KIAA1328: variants seen among roughly 807,000 people sequenced by gnomAD.
KIAA1328 encodes the protein KIAA1328.
KIAA1328 carries 52 observed loss-of-function variants against 68.1 expected under a neutral mutation model. The observed-to-expected ratio is 0.76, with a 90% CI of 0.61 to 0.96. The LOEUF is 0.96. KIAA1328 is among the 40% of genes least tolerant of loss of function. KIAA1328 has a pLI of 0.00. For missense variants in KIAA1328, 641 were observed against 677.6 expected, an observed-to-expected ratio of 0.95 and a Z score of 0.60; for synonymous variants, 232 against 239.4, an observed-to-expected ratio of 0.97 and a Z score of 0.28.
chr18:36,903,439 C>A (rs1171878280), intron 5 of KIAA1328, among the ~76,000 whole-genome samples: 1 of 152,030 alleles, frequency 6.6e-6, no homozygotes, highest in African/African-American at 2.4e-5. Flanking sequence ...ATGATTAGGT[C>A]TTTCCAGTGG....
At chr18:37,117,462 G>A (rs1026133227) in intron 7 of KIAA1328, among the ~76,000 whole-genome samples, 37 of 152,022 alleles carry the variant, frequency 2.4e-4, no homozygotes, top group African/African-American at 7.7e-4. Context: ...TGGACACAGC[G>A]GTAGCGAACA....
intron 7 of KIAA1328, among the ~76,000 whole-genome samples, chr18:37,070,106 T>A (rs1179499107): frequency 6.6e-6 from 1 of 152,166 alleles, no homozygotes; most frequent in Non-Finnish European, 1.5e-5. Flanking sequence ...AGTGTTATAT[T>A]TAGTTTCCAA....
intron 6 of KIAA1328, among the ~76,000 whole-genome samples, chr18:36,994,669 A>G (rs1332266304): frequency 6.6e-6 from 1 of 152,182 alleles, no homozygotes; most frequent in Non-Finnish European, 1.5e-5. Flanking sequence ...TGTAGTTTTT[A>G]TAGTCTAGAG....
intron 4 of KIAA1328, among the ~76,000 whole-genome samples, chr18:36,870,279 A>G (rs1197131500): frequency 6.6e-6 from 1 of 152,172 alleles, no homozygotes; most frequent in African/African-American, 2.4e-5. Context: ...AGTTTTTGTC[A>G]AGTAATACTG....
At chr18:37,033,601 A>T (rs566488384) in intron 6 of KIAA1328, among the ~76,000 whole-genome samples, 1 of 152,022 alleles carries the variant, frequency 6.6e-6, no homozygotes, top group African/African-American at 2.4e-5. Context: ...TTCATTTACA[A>T]CTCCCTGGTA....
At chr18:37,144,124 T>C (rs1353989767) in intron 7 of KIAA1328, among the ~76,000 whole-genome samples, 1 of 152,178 alleles carries the variant, frequency 6.6e-6, no homozygotes, top group Non-Finnish European at 1.5e-5. Flanking sequence ...TATTTTCTCT[T>C]TCTTCTTGAG....
intron 6 of KIAA1328, among the ~76,000 whole-genome samples, chr18:36,971,607 C>T (rs148495647): frequency 1.7e-4 from 26 of 152,044 alleles, no homozygotes; most frequent in South Asian, 6.2e-4. Context: ...CCACCCTGGA[C>T]GACAAGAGTA....
chr18:37,158,656 A>G (rs1293145330), intron 7 of KIAA1328, among the ~76,000 whole-genome samples: 1 of 152,214 alleles, frequency 6.6e-6, no homozygotes, highest in African/African-American at 2.4e-5. Flanking sequence ...TCATATAGTC[A>G]TCTTTATTTT....
chr18:37,082,166 ATTTTTT>A (rs34106395), intron 7 of KIAA1328, among the ~76,000 whole-genome samples: 6 of 100,428 alleles, frequency 6.0e-5, no homozygotes, highest in African/African-American at 8.4e-5. Flanking sequence ...TGCCCCAAGG[ATTTTTT>A]TTTTTTTTTT....
chr18:36,975,404 G>A (rs571006777), intron 6 of KIAA1328, among the ~76,000 whole-genome samples: 5 of 151,876 alleles, frequency 3.3e-5, no homozygotes, highest in Non-Finnish European at 7.4e-5. Context: ...GGATGGTCTC[G>A]ATCTCCTGAC....
intron 5 of KIAA1328, among the ~76,000 whole-genome samples, chr18:36,889,589 C>A (rs11665058): frequency 0.14 from 20,717 of 152,140 alleles, 1,757 homozygotes; most frequent in Admixed American, 0.18. Flanking sequence ...TATCTGATCC[C>A]TTGGGAAAGT....
At chr18:36,927,938 G>A (rs1042119650) in intron 5 of KIAA1328, among the ~76,000 whole-genome samples, 1 of 152,112 alleles carries the variant, frequency 6.6e-6, no homozygotes, top group South Asian at 2.1e-4. Flanking sequence ...CCGGATGGGA[G>A]TGCCCTCGTA....
In KIAA1328 at chr18:36,989,504, A is replaced by G. The variant is rs927088413; in HGVS notation, c.576+30069A>G. Among the ~76,000 whole-genome samples the G allele has an allele frequency of 2.0e-5, 3 of 152,126 alleles. No individual in the cohort carries two copies. In the East Asian group the frequency reaches 5.8e-4, roughly 29 times the overall value. On this transcript the variant is annotated intron_variant, in intron 6 of 9. Transcript: ENST00000280020. Reference sequence around the variant, plus strand: ...ACAGAAGCTCCGATTCTAATTTTTTAAAAAAATTCTTCTGCTTTTATTCCC... The same window carrying G: ...ACAGAAGCTCCGATTCTAATTTTTTGAAAAAATTCTTCTGCTTTTATTCCC...
At chr18:37,080,892 A>T (rs1488087943) in intron 7 of KIAA1328, among the ~76,000 whole-genome samples, 2 of 152,056 alleles carry the variant, frequency 1.3e-5, no homozygotes, top group Non-Finnish European at 2.9e-5. Context: ...TCCTAAAACA[A>T]AGTTCTTTCC....
intron 7 of KIAA1328, among the ~76,000 whole-genome samples, chr18:37,098,095 A>G (rs1161304013): frequency 6.6e-6 from 1 of 152,144 alleles, no homozygotes; most frequent in South Asian, 2.1e-4. Context: ...CTCTGGCCAG[A>G]ACTTCCAATA....
intron 6 of KIAA1328, among the ~76,000 whole-genome samples, chr18:37,034,041 G>A (rs1238141999): frequency 6.6e-6 from 1 of 152,080 alleles, no homozygotes; most frequent in Non-Finnish European, 1.5e-5. Context: ...TGTGTTCCTT[G>A]TTACTCCAAA....
At chr18:37,226,502 C>T (rs1292745357), downstream of KIAA1328, among the ~76,000 whole-genome samples, 1 of 152,116 alleles carries the variant, frequency 6.6e-6, no homozygotes, top group Non-Finnish European at 1.5e-5. Context: ...GACTTGCTGT[C>T]TCTATACAAT....
chr18:37,129,514 G>A (rs1340040228), intron 7 of KIAA1328, among the ~76,000 whole-genome samples: 2 of 152,154 alleles, frequency 1.3e-5, no homozygotes, highest in East Asian at 1.9e-4. Context: ...AAACAAAAGT[G>A]TACAGGTATG....
intron 7 of KIAA1328, among the ~76,000 whole-genome samples, chr18:37,158,226 A>G (rs1273397754): frequency 6.6e-6 from 1 of 151,906 alleles, no homozygotes; most frequent in Non-Finnish European, 1.5e-5. Context: ...TTCTTTAGTG[A>G]TGGGGTCTTG....
Sources: allele counts gnomAD v4.1 joint callset (sites outside exome capture counted in the v4.1 genomes callset), GRCh38; gene constraint gnomAD v4.1.1; transcripts MANE v1.5; gene names NCBI Gene and HGNC (gene_info 2026-07-23, HGNC 2026-07-21).